AUTS2: variants seen among roughly 807,000 people sequenced by gnomAD.
AUTS2 encodes the protein autism susceptibility gene 2 protein.
AUTS2 carries 17 observed loss-of-function variants against 112.4 expected under a neutral mutation model. The observed-to-expected ratio is 0.15, with a 90% CI of 0.10 to 0.23. The LOEUF is 0.23. AUTS2 is among the 10% of genes least tolerant of loss of function. AUTS2 has a pLI of 1.00. For missense variants in AUTS2, 1,510 were observed against 1,701.6 expected (o/e 0.89, Z 1.98); for synonymous variants, 751 against 702.7 (o/e 1.07, Z -1.09).
At chr7:69,702,260 A>T (rs1384501737) in intron 1 of AUTS2, among the ~76,000 whole-genome samples, 1 of 152,220 alleles carries the variant, frequency 6.6e-6, no homozygotes, top group African/African-American at 2.4e-5. Flanking sequence ...ATTCAGAAGC[A>T]GGCAGTTTTT....
At chr7:70,454,350 C>T (rs995473974) in intron 5 of AUTS2, among the ~76,000 whole-genome samples, 2 of 152,122 alleles carry the variant, frequency 1.3e-5, no homozygotes, top group South Asian at 2.1e-4. Context: ...GCCTGGCCAA[C>T]ATGGTGAAAC....
intron 8 of AUTS2, among the ~76,000 whole-genome samples, chr7:70,765,701 T>A (rs1716358079): frequency 2.0e-5 from 3 of 152,208 alleles, no homozygotes; most frequent in Non-Finnish European, 2.9e-5. Flanking sequence ...CACTTAAACG[T>A]GCAAATTGCT....
intron 1 of AUTS2, among the ~76,000 whole-genome samples, chr7:69,798,489 CTG>C (rs1463086524): frequency 1.3e-5 from 2 of 152,072 alleles, no homozygotes; most frequent in African/African-American, 4.8e-5. Context: ...GTACTCCTAA[CTG>C]TGGCCCCTAA....
intron 6 of AUTS2, among the ~76,000 whole-genome samples, chr7:70,724,128 G>C (rs1786866447): frequency 6.6e-6 from 1 of 152,190 alleles, no homozygotes; most frequent in Admixed American, 6.5e-5. Flanking sequence ...CTAGCCTCAG[G>C]TGATCCGCCT....
intron 1 of AUTS2, among the ~76,000 whole-genome samples, chr7:69,617,278 G>A (rs1412312654): frequency 1.3e-5 from 2 of 152,136 alleles, no homozygotes; most frequent in African/African-American, 4.8e-5. Context: ...ATCGTGTCAC[G>A]TATTTAACTG....
At chr7:69,929,457 C>T (rs1237248624) in intron 2 of AUTS2, among the ~76,000 whole-genome samples, 1 of 151,816 alleles carries the variant, frequency 6.6e-6, no homozygotes, top group Non-Finnish European at 1.5e-5. Flanking sequence ...TTCCCCTTCT[C>T]TTCTGCTTTA....
intron 14 of AUTS2, among the ~76,000 whole-genome samples, chr7:70,781,247 G>A (rs1450416609): frequency 1.3e-5 from 2 of 151,660 alleles, no homozygotes; most frequent in African/African-American, 4.8e-5. Context: ...TGTAATCCCA[G>A]CTACTTGGGA....
intron 1 of AUTS2, among the ~76,000 whole-genome samples, chr7:69,751,451 T>C (rs1277468829): frequency 6.6e-6 from 1 of 152,192 alleles, no homozygotes; most frequent in African/African-American, 2.4e-5. Context: ...TGACAGGGAC[T>C]TACTTTTCCT....
chr7:70,364,566 A>AAAAT (rs200011798), intron 4 of AUTS2, among the ~76,000 whole-genome samples: 37,230 of 137,874 alleles, frequency 0.27, 5,170 homozygotes, highest in East Asian at 0.36. Flanking sequence ...CTCTGTCTCA[A>AAAAT]AAATAAATAA....
intron 1 of AUTS2, among the ~76,000 whole-genome samples, chr7:69,614,707 C>T (rs1026025674): frequency 6.6e-6 from 1 of 152,014 alleles, no homozygotes; most frequent in Non-Finnish European, 1.5e-5. Flanking sequence ...TGATCTAGAA[C>T]TCCTGGTCTC....
intron 5 of AUTS2, among the ~76,000 whole-genome samples, chr7:70,438,117 G>C (rs1795971474): frequency 6.6e-6 from 1 of 152,060 alleles, no homozygotes; most frequent in Non-Finnish European, 1.5e-5. Flanking sequence ...GCCTCTGGTT[G>C]TCAGAGGGAT....
At chr7:70,505,480 G>A (rs1053081528) in intron 5 of AUTS2, among the ~76,000 whole-genome samples, 2 of 152,206 alleles carry the variant, frequency 1.3e-5, no homozygotes, top group African/African-American at 4.8e-5. Context: ...CCATTAGAAA[G>A]TGTCCTAATG....
chr7:69,948,596 T>C (rs957282086), intron 2 of AUTS2, among the ~76,000 whole-genome samples: 1 of 152,154 alleles, frequency 6.6e-6, no homozygotes, highest in Non-Finnish European at 1.5e-5. Context: ...ATTTTCCATC[T>C]TGTATGAATG....
At position 70,585,251 on chromosome 7, in the gene AUTS2, G is replaced by A. The variant is rs116880134; in HGVS notation, c.691-113318G>A. Among the ~76,000 whole-genome samples the A allele has an allele frequency of 5.1e-4, 78 of 152,200 alleles. No homozygotes were observed. The East Asian group carries it at 0.012, about 23-fold the overall frequency. On this transcript the variant is annotated intron_variant, in intron 5 of 18. Coordinates refer to ENST00000342771, the MANE Select transcript of AUTS2 (RefSeq NM_015570.4). ...CTGTCCCTGCCCTGCTGTGGAAACA[G>A]CTGGACTGACACACAGAGAGGAGAC...
intron 5 of AUTS2, among the ~76,000 whole-genome samples, chr7:70,616,754 T>C (rs1330857945): frequency 3.1e-5 from 1 of 32,556 alleles, no homozygotes; most frequent in African/African-American, 2.3e-4. Context: ...TGTCGAATAG[T>C]TTTTTTTTTT....
chr7:70,734,991 A>C (rs978681633), intron 6 of AUTS2, among the ~76,000 whole-genome samples: 1 of 152,056 alleles, frequency 6.6e-6, no homozygotes. Flanking sequence ...CAAGATAAAT[A>C]TAAATCTGGA....
intron 1 of AUTS2, among the ~76,000 whole-genome samples, chr7:69,606,688 T>C (rs1356459867): frequency 6.6e-6 from 1 of 152,222 alleles, no homozygotes; most frequent in Non-Finnish European, 1.5e-5. Context: ...TAGAAAGTTC[T>C]GAAAAGATTC....
At chr7:70,061,523 G>C (rs1429796694) in intron 2 of AUTS2, among the ~76,000 whole-genome samples, 3 of 152,068 alleles carry the variant, frequency 2.0e-5, no homozygotes, top group Non-Finnish European at 4.4e-5. Flanking sequence ...AAAGCAAATA[G>C]GTCATTATGT....
At chr7:69,997,960 G>A (rs551464992) in intron 2 of AUTS2, among the ~76,000 whole-genome samples, 1 of 152,314 alleles carries the variant, frequency 6.6e-6, no homozygotes, top group African/African-American at 2.4e-5. Flanking sequence ...TGCTTTGAAT[G>A]CATTGGAAAG....
Sources: allele counts gnomAD v4.1 joint callset (sites outside exome capture counted in the v4.1 genomes callset), GRCh38; gene constraint gnomAD v4.1.1; transcripts MANE v1.5; gene names NCBI Gene and HGNC (gene_info 2026-07-23, HGNC 2026-07-21).